The following GIMAP2 variants were observed in gnomAD, a reference collection of about 807,000 sequenced individuals.
The protein encoded by GIMAP2 is GTPase, IMAP family member 2.
In GIMAP2, 22 loss-of-function variants were observed where a neutral mutation model predicts 25.5. The observed-to-expected ratio is 0.86, with a 90% CI of 0.62 to 1.23. The LOEUF is 1.23. Among genes scored for constraint, GIMAP2 ranks in the 50% most tolerant of loss-of-function variants. The pLI, the probability that GIMAP2 is intolerant of heterozygous loss-of-function variation, is 0.00. For synonymous variants in GIMAP2, 167 were observed against 143.0 expected, an observed-to-expected ratio of 1.17 and a Z score of -1.20; for missense variants, 422 against 395.7, an observed-to-expected ratio of 1.07 and a Z score of -0.56.
chr7:150,693,361 C>A lies in GIMAP2; in HGVS notation c.*61C>A. On this transcript the variant is annotated 3_prime_UTR_variant, in exon 3 of 3. Coordinates refer to ENST00000223293, the MANE Select transcript of GIMAP2 (RefSeq NM_015660.3). ...TAGTGGGTGAATCACAGTAATTTCCCTGTAAAATGTGGTACCTGAAGTCAT... is the reference window on the plus strand; with the variant it reads ...TAGTGGGTGAATCACAGTAATTTCCATGTAAAATGTGGTACCTGAAGTCAT... The A allele has an allele frequency of 2.6e-6, 3 of 1,135,156 alleles. No homozygotes were observed. Among genetic ancestry groups the A allele is most frequent in the Non-Finnish European group, 1.2e-6 (1 of 809,268 alleles). The allele number at this position is 1,135,156 out of a possible 1,614,324, so 70.3% of individuals were successfully genotyped here. A position where few individuals can be genotyped will look rare whatever the true frequency, so the allele number is the denominator to read the frequency against.
chr7:150,687,844 GTC>G (rs543482950), intron 2 of GIMAP2, among the ~76,000 whole-genome samples: 3 of 80,780 alleles, frequency 3.7e-5, no homozygotes, highest in African/African-American at 1.0e-4. Flanking sequence ...TGGTATGGGC[GTC>G]TCTCTCTCTG....
At position 150,685,791 on chromosome 7, in the gene GIMAP2, C is replaced by T. The variant is rs1023212952; in HGVS notation, c.-9+6C>T. 7.3e-6 allele frequency: 7 copies of T among 961,540 alleles called. No homozygotes were observed. The South Asian group carries it at 3.4e-4, about 46-fold the overall frequency. The allele number at this position is 961,540 out of a possible 1,614,324, so 59.6% of individuals were successfully genotyped here. On this transcript the variant is annotated splice_donor_region_variant and intron_variant, in intron 1 of 2. Transcript: ENST00000223293. ...TTCTTTGAACAGTAAATCAGGTAAGCCCAGATTTACGAAAAGTTCTGCAGT... is the reference window on the plus strand; with the variant it reads ...TTCTTTGAACAGTAAATCAGGTAAGTCCAGATTTACGAAAAGTTCTGCAGT...
chr7:150,693,441 C>A lies in GIMAP2; in HGVS notation c.*141C>A. The A allele has an allele frequency of 1.8e-6, 1 of 562,670 alleles. No homozygotes were observed. The highest frequency in any genetic ancestry group is 3.1e-6 in the Non-Finnish European group (1 of 326,786). The allele number at this position is 562,670 out of a possible 1,614,324, so 34.9% of individuals were successfully genotyped here. On this transcript the variant is annotated 3_prime_UTR_variant, in exon 3 of 3. Coordinates refer to ENST00000223293, the MANE Select transcript of GIMAP2 (RefSeq NM_015660.3). ...GAACATCACTCCAATTATTAATGAA[C>A]CAAATCATACGATAAGTTACTGTTT...
intron 2 of GIMAP2, chr7:150,689,737 A>G: frequency 3.6e-6 from 2 of 558,752 alleles, no homozygotes; most frequent in Non-Finnish European, 6.5e-6. Context: ...AATATGTGCA[A>G]CAAGTGTTGG....
Position 150,692,621 on chromosome 7 carries a change from T to C in GIMAP2, c.335T>C (p.Val112Ala). The C allele has an allele frequency of 1.9e-6, 3 of 1,614,132 alleles. No individual in the cohort carries two copies. In the South Asian group the frequency reaches 3.3e-5, roughly 18 times the overall value. Residue 112 changes from valine (V) to alanine (A), a missense_variant, in exon 3 of 3, where the codon GTG (valine) becomes GCG (alanine). Coordinates refer to ENST00000223293, the MANE Select transcript of GIMAP2 (RefSeq NM_015660.3). ...SAPGPHVLLL[V>A]TQLGRYTSQD... ...CCAGGACCCCATGTGCTGCTCCTGG[T>C]GACTCAGCTGGGCCGCTATACCTCA... is the stretch of plus-strand genomic sequence containing the variant.
intron 1 of GIMAP2, among the ~76,000 whole-genome samples, chr7:150,686,324 G>C (rs931768550): frequency 6.6e-6 from 1 of 152,176 alleles, no homozygotes; most frequent in Admixed American, 6.5e-5. Context: ...GGTTTGGAGA[G>C]AGTAGAGGAG....
At chr7:150,688,337 G>C (rs571238142) in intron 2 of GIMAP2, among the ~76,000 whole-genome samples, 1 of 152,164 alleles carries the variant, frequency 6.6e-6, no homozygotes, top group South Asian at 2.1e-4. Flanking sequence ...CACCATGTTG[G>C]CCAGGCTGAT....
Position 150,692,878 on chromosome 7 carries a change from C to A in GIMAP2, c.592C>A (p.Leu198Ile). ...CAATCAGGATGACCAAGTGAAGGAACTAATGGACTGTATTGAGGATCTGTT... is the reference window on the plus strand; with the variant it reads ...CAATCAGGATGACCAAGTGAAGGAAATAATGGACTGTATTGAGGATCTGTT... ...GSNQDDQVKE[L>I]MDCIEDLLME... The change falls in exon 3 of 3, where the codon CTA becomes ATA. Residue 198 changes from leucine to isoleucine, a missense_variant. By Grantham distance (5) the Leu-to-Ile change is conservative (BLOSUM62 2). Transcript: ENST00000223293. 1 of 1,614,138 alleles carries A rather than the reference C, an allele frequency of 6.2e-7. No individual in the cohort carries two copies. The highest frequency in any genetic ancestry group is 8.5e-7 in the Non-Finnish European group (1 of 1,179,984).
intron 1 of GIMAP2, 92 bp from the exon 2 acceptor site, chr7:150,686,960 A>AAT: frequency 1.3e-5 from 6 of 450,102 alleles, no homozygotes; most frequent in Non-Finnish European, 2.3e-5. Flanking sequence ...AAAAAAAAAA[A>AAT]AAAGAAAGAA....
chr7:150,692,292 C>T, intron 2 of GIMAP2, 23 bp from the exon 3 acceptor site: 1 of 1,605,706 alleles, frequency 6.2e-7, no homozygotes, highest in East Asian at 2.2e-5. Flanking sequence ...GTAGCGATAA[C>T]ACAGTAAACT....
intron 2 of GIMAP2, chr7:150,689,346 C>T: frequency 3.8e-6 from 2 of 527,996 alleles, no homozygotes; most frequent in Non-Finnish European, 6.8e-6. Flanking sequence ...TTTAGAGACC[C>T]TCTCACTTGG....
intron 2 of GIMAP2, 68 bp downstream of exon 2, chr7:150,687,155 T>TGTGTGTG: frequency 1.8e-6 from 2 of 1,106,124 alleles, no homozygotes; most frequent in South Asian, 1.4e-5. Flanking sequence ...TGTGTGTGTG[T>TGTGTGTG]TTGGCTCTTC....
chr7:150,686,780 C>A (rs1796904877), intron 1 of GIMAP2, among the ~76,000 whole-genome samples: 2 of 151,558 alleles, frequency 1.3e-5, no homozygotes, highest in Admixed American at 6.6e-5. Flanking sequence ...CCTGTCTCTA[C>A]TAAAACTACA....
rs770299527 is a variant in GIMAP2 at position 150,692,642 on chromosome 7, C to T, written c.356C>T (p.Thr119Ile). The change falls in exon 3 of 3, where the codon ACC (threonine) becomes ATC (isoleucine). Residue 119 changes from threonine to isoleucine, a missense_variant. Physicochemically the swap from Thr to Ile is moderately conservative, Grantham distance 89 (BLOSUM62 -1). Coordinates refer to ENST00000223293, the MANE Select transcript of GIMAP2 (RefSeq NM_015660.3). Reference protein sequence around the residue: ...LLLVTQLGRYTSQDQQAAQRV... With the variant: ...LLLVTQLGRYISQDQQAAQRV... ...CTGGTGACTCAGCTGGGCCGCTATA[C>T]CTCACAGGACCAGCAGGCTGCACAG... 2 of 1,614,194 alleles carry T rather than the reference C, an allele frequency of 1.2e-6. No individual in the cohort carries two copies. The highest frequency in any genetic ancestry group is 8.5e-7 in the Non-Finnish European group (1 of 1,180,024).
At chr7:150,686,505 G>C (rs1796901823) in intron 1 of GIMAP2, among the ~76,000 whole-genome samples, 2 of 152,238 alleles carry the variant, frequency 1.3e-5, no homozygotes, top group South Asian at 4.1e-4. Flanking sequence ...GAAAGCGAGA[G>C]AGAGCTGGGC....
chr7:150,690,184 T>C (rs957904169), intron 2 of GIMAP2, among the ~76,000 whole-genome samples: 7 of 152,110 alleles, frequency 4.6e-5, no homozygotes, highest in African/African-American at 1.4e-4. Context: ...AACCCCAGAG[T>C]TGCTACAAGA....
Position 150,692,492 on chromosome 7 carries a change from G to A in GIMAP2, c.206G>A (p.Gly69Glu), listed in dbSNP as rs1796978080. 5 of 1,614,036 alleles carry A rather than the reference G, an allele frequency of 3.1e-6. No individual in the cohort carries two copies. The highest frequency in any genetic ancestry group is 1.6e-4 in the Middle Eastern group (1 of 6,084). Reference sequence around the variant, plus strand: ...TGCAGCAAAAGTCAGGGAAGCTGGGGAAATAGAGAGATTGTCATTATTGAC... The same window carrying A: ...TGCAGCAAAAGTCAGGGAAGCTGGGAAAATAGAGAGATTGTCATTATTGAC... ...KTCSKSQGSW[G>E]NREIVIIDTP... is the part of the protein sequence containing the mutation. Residue 69 changes from glycine (G) to glutamate (E), a missense_variant, in exon 3 of 3, where the codon GGA becomes GAA. Transcript: ENST00000223293.
chr7:150,688,795 C>G (rs1796934146), intron 2 of GIMAP2, among the ~76,000 whole-genome samples: 1 of 152,206 alleles, frequency 6.6e-6, no homozygotes, highest in South Asian at 2.1e-4. Flanking sequence ...TGCCCCATTA[C>G]AGCAGACACC....
At chr7:150,689,678 T>A (rs11768358) in intron 2 of GIMAP2, 6 of 595,984 alleles carry the variant, frequency 1.0e-5, no homozygotes, top group Non-Finnish European at 1.5e-5. Flanking sequence ...GAAAATAAGA[T>A]TAAATGTCCA....
Sources: allele counts gnomAD v4.1 joint callset (sites outside exome capture counted in the v4.1 genomes callset), GRCh38; gene constraint gnomAD v4.1.1; transcripts MANE v1.5; gene names NCBI Gene and HGNC (gene_info 2026-07-23, HGNC 2026-07-21).